The following STK33 variants were observed in gnomAD, a reference collection of about 807,000 sequenced individuals.
The protein encoded by STK33 is serine/threonine kinase 33.
STK33 carries 52 observed loss-of-function variants against 58.0 expected under a neutral mutation model. The observed-to-expected ratio is 0.90, with a 90% CI of 0.72 to 1.13. The LOEUF (loss-of-function observed/expected upper bound fraction) is 1.13, where lower values mean the gene tolerates loss of function less well. Ranked by LOEUF, STK33 falls within the 50% of genes most tolerant of loss-of-function variation. The pLI, the probability that STK33 is intolerant of heterozygous loss-of-function variation, is 0.00. For synonymous variants in STK33, 215 were observed against 200.1 expected, an observed-to-expected ratio of 1.07 and a Z score of -0.63; for missense variants, 630 against 604.2, an observed-to-expected ratio of 1.04 and a Z score of -0.45.
At chr11:8,396,101 C>T (rs944456738) in intron 15 of STK33, among the ~76,000 whole-genome samples, 4 of 152,104 alleles carry the variant, frequency 2.6e-5, no homozygotes, top group African/African-American at 9.7e-5. Flanking sequence ...TTTCTTTATG[C>T]AAATATATAT....
chr11:8,517,532 A>G (rs546765869), intron 1 of STK33, among the ~76,000 whole-genome samples: 271 of 152,320 alleles, frequency 1.8e-3, no homozygotes, highest in Non-Finnish European at 3.2e-3. Flanking sequence ...CGGTAATAAC[A>G]AACTTCTCCA....
chr11:8,442,121 C>T (rs1313915540), intron 11 of STK33, among the ~76,000 whole-genome samples: 4 of 151,492 alleles, frequency 2.6e-5, no homozygotes, highest in Non-Finnish European at 4.4e-5. Flanking sequence ...TTTCCTCTGC[C>T]TAGTGTTAAA....
intron 6 of STK33, among the ~76,000 whole-genome samples, chr11:8,468,869 C>T (rs1254322214): frequency 6.6e-6 from 1 of 152,044 alleles, no homozygotes; most frequent in Non-Finnish European, 1.5e-5. Flanking sequence ...TGCAATAAAG[C>T]ATATAAAAGT....
the STK33 span, among the ~76,000 whole-genome samples, chr11:8,379,456 CAAAT>C: frequency 6.6e-6 from 1 of 151,868 alleles, no homozygotes; most frequent in African/African-American, 2.4e-5. Context: ...AAGAAAAAAA[CAAAT>C]AATCTTATCA....
At chr11:8,523,862 T>C (rs1214663555) in intron 1 of STK33, among the ~76,000 whole-genome samples, 1 of 152,114 alleles carries the variant, frequency 6.6e-6, no homozygotes, top group African/African-American at 2.4e-5. Context: ...ACGATGGCGG[T>C]TTTGTCGAAT....
intron 1 of STK33, among the ~76,000 whole-genome samples, chr11:8,523,248 C>T (rs1374784249): frequency 1.2e-4 from 18 of 151,724 alleles, no homozygotes; most frequent in East Asian, 3.9e-4. Context: ...TCTGCCTGGC[C>T]GCCCATCATC....
intron 6 of STK33, chr11:8,466,420 CAAGTCCAAAAT>C (rs1948193334): frequency 6.6e-6 from 1 of 152,174 alleles, no homozygotes; most frequent in Non-Finnish European, 1.5e-5. Context: ...AGGCCCAATG[CAAGTCCAAAAT>C]CCAGTGGGGC....
intron 5 of STK33, among the ~76,000 whole-genome samples, chr11:8,474,136 T>C (rs1026332925): frequency 6.6e-6 from 1 of 151,810 alleles, no homozygotes; most frequent in Admixed American, 6.6e-5. Flanking sequence ...GATTGTGCCA[T>C]TGCACTCCAG....
At chr11:8,507,983 C>G (rs982169284) in intron 1 of STK33, among the ~76,000 whole-genome samples, 1 of 152,132 alleles carries the variant, frequency 6.6e-6, no homozygotes, top group African/African-American at 2.4e-5. Flanking sequence ...TTCTGCCTCC[C>G]AGGTTCAAGC....
At chr11:8,549,383 G>A (rs975097561) in intron 1 of STK33, among the ~76,000 whole-genome samples, 28 of 151,726 alleles carry the variant, frequency 1.8e-4, no homozygotes, top group Non-Finnish European at 3.2e-4. Context: ...CTAGTGTTTC[G>A]TTGAAGATTT....
chr11:8,523,318 C>T (rs1291242626), intron 1 of STK33, among the ~76,000 whole-genome samples: 1 of 151,666 alleles, frequency 6.6e-6, no homozygotes, highest in Non-Finnish European at 1.5e-5. Flanking sequence ...AGTGCCTCTT[C>T]CCAGCCGCCA....
At chr11:8,337,790 A>G in the STK33 span, among the ~76,000 whole-genome samples, 1 of 150,948 alleles carries the variant, frequency 6.6e-6, no homozygotes, top group Admixed American at 6.6e-5. Context: ...ATACATTTCC[A>G]TTTCAGGGAC....
intron 1 of STK33, among the ~76,000 whole-genome samples, chr11:8,483,342 G>A (rs1357743237): frequency 2.0e-5 from 3 of 152,228 alleles, no homozygotes; most frequent in East Asian, 3.9e-4. Context: ...AGAGAAAGTC[G>A]AGTCTCTCTC....
intron 1 of STK33, among the ~76,000 whole-genome samples, chr11:8,552,961 G>A (rs1391699870): frequency 6.6e-6 from 1 of 151,064 alleles, no homozygotes; most frequent in Non-Finnish European, 1.5e-5. Flanking sequence ...GAGCTGCCTG[G>A]GCCATACAGT....
chr11:8,398,428 A>G (rs1849762496), intron 15 of STK33, among the ~76,000 whole-genome samples: 3 of 152,218 alleles, frequency 2.0e-5, no homozygotes, highest in Non-Finnish European at 2.9e-5. Flanking sequence ...TTTTGTCACC[A>G]CCAGGCCTGC....
At chr11:8,361,884 C>G in the STK33 span, among the ~76,000 whole-genome samples, 1 of 152,246 alleles carries the variant, frequency 6.6e-6, no homozygotes, top group African/African-American at 2.4e-5. This position sits in a 1 kb window ranked among gnomAD's most constrained non-coding sequence, Gnocchi z 4.8. Context: ...TGGGCAGGAG[C>G]CTGTGCTCAC....
intron 1 of STK33, among the ~76,000 whole-genome samples, chr11:8,497,158 A>G (rs1032497012): frequency 1.3e-5 from 2 of 152,190 alleles, no homozygotes; most frequent in African/African-American, 4.8e-5. Flanking sequence ...AAGGGAGAGA[A>G]GAAACATAAA....
chr11:8,432,504 A>G (rs1052700323), intron 14 of STK33, among the ~76,000 whole-genome samples: 3 of 152,216 alleles, frequency 2.0e-5, no homozygotes, highest in African/African-American at 7.2e-5. Flanking sequence ...GGATGACAAT[A>G]TGTATGTGTT....
At chr11:8,444,954 G>A (rs1945237244) in intron 11 of STK33, among the ~76,000 whole-genome samples, 1 of 152,134 alleles carries the variant, frequency 6.6e-6, no homozygotes, top group South Asian at 2.1e-4. Flanking sequence ...GATGGGGATA[G>A]CACGAAATCT....
Sources: gnomAD v4.1 joint callset for allele counts (sites outside exome capture counted in the v4.1 genomes callset) on GRCh38, gnomAD v4.1.1 for gene constraint, Gnocchi (gnomAD v3.1) non-coding constraint, MANE v1.5 for transcripts, NCBI Gene and HGNC (gene_info 2026-07-23, HGNC 2026-07-21) for gene names.